The following CACNA1A variants were observed in gnomAD, a reference collection of about 807,000 sequenced individuals.
CACNA1A encodes the protein voltage-dependent P/Q-type calcium channel subunit alpha-1A.
Under a neutral mutation model 262.4 loss-of-function variants are expected in CACNA1A, and 57 were observed. The observed-to-expected ratio is 0.22, with a 90% confidence interval of 0.18 to 0.27. The LOEUF is 0.27. CACNA1A is among the 10% of genes least tolerant of loss of function. CACNA1A has a pLI of 1.00. For synonymous variants in CACNA1A, 1,431 were observed against 1,419.3 expected (o/e 1.01, Z -0.18); for missense variants, 2,526 against 3,562.8 (o/e 0.71, Z 7.41).
chr19:13,330,214 A>T, intron 10 of CACNA1A, 30 bp downstream of exon 10: 1 of 1,478,758 alleles, frequency 6.8e-7, no homozygotes, highest in Non-Finnish European at 9.3e-7. Flanking sequence ...GGTGATGAAC[A>T]ACTGATAGGT....
At chr19:13,409,747 T>C (rs2060077248) in intron 3 of CACNA1A, among the ~76,000 whole-genome samples, 1 of 152,108 alleles carries the variant, frequency 6.6e-6, no homozygotes, top group African/African-American at 2.4e-5. Context: ...TTTTGCCATG[T>C]TGCTTAGGCT....
In CACNA1A at chr19:13,209,007, A is replaced by C; in HGVS notation, c.6529T>G (p.Leu2177Val). The change falls in exon 46 of 47, where the codon TTG (leucine) becomes GTG (valine). Residue 2177 changes from leucine to valine, a missense_variant and splice_region_variant. By Grantham distance (32) the Leu-to-Val change is conservative. Coordinates refer to ENST00000360228, the MANE Select transcript of CACNA1A (RefSeq NM_001127222.2). ...GTGGTCATGCTCAGGTCTGTCCCCA[A>C]GCCTGGGCCGGGTGAGGGTCAGACA... Reference protein sequence around the residue: ...LGRYTDVDTGLGTDLSMTTQS... With the variant: ...LGRYTDVDTGVGTDLSMTTQS... 2.6e-6 allele frequency: 4 copies of C among 1,537,020 alleles called. No individual in the cohort carries two copies. Among genetic ancestry groups the C allele is most frequent in the Non-Finnish European group, 3.5e-6 (4 of 1,146,874 alleles).
rs1434850038 is a variant in CACNA1A, at chr19:13,207,628, CG to C, written c.7205del (p.Pro2402ArgfsTer206). ...GGTAGTAGCCATGGTGCCGGGGACC[CG>C]GGGGCCCCTCGGACACGTGCGGGCC... ...ASGPHVSEGPPGPRHHGYYRG... is the reference protein window; with the variant it reads ...ASGPHVSEGPXGPRHHGYYRG... On this transcript the variant is annotated frameshift_variant, in exon 47 of 47. Transcript: ENST00000360228. LOFTEE classifies it high-confidence loss of function. The surrounding 1 kb of genome is among the most constrained non-coding windows in gnomAD (Gnocchi z 5.7). The C allele has an allele frequency of 3.2e-5, 48 of 1,477,574 alleles. No individual in the cohort carries two copies. Among genetic ancestry groups the C allele is most frequent in the Admixed American group, 1.8e-4 (8 of 44,256 alleles). The allele number at this position is 1,477,574 out of a possible 1,614,324, so 91.5% of individuals were successfully genotyped here.
intron 10 of CACNA1A, among the ~76,000 whole-genome samples, chr19:13,322,217 A>AG (rs1183271717): frequency 1.3e-5 from 2 of 151,816 alleles, no homozygotes; most frequent in African/African-American, 4.8e-5. Flanking sequence ...AAAAAAAAAA[A>AG]AAAGAAATCG....
At position 13,247,713 on chromosome 19, in the gene CACNA1A, A is replaced by AATAAAT. The variant is rs1555741538; in HGVS notation, c.4867-2449_4867-2448insATTTAT. Among the ~76,000 whole-genome samples, 9 of 146,710 alleles carry AATAAAT rather than the reference A, an allele frequency of 6.1e-5. No individual in the cohort carries two copies. In the South Asian group the frequency reaches 8.6e-4, roughly 14 times the overall value. On this transcript the variant is annotated intron_variant, in intron 30 of 46. Coordinates refer to ENST00000360228, the MANE Select transcript of CACNA1A (RefSeq NM_001127222.2). ...AGACTCCGTCAAAAATAAATAAATA[A>AATAAAT]AAATAAATAAATAAATAAATAAATA... is the stretch of plus-strand genomic sequence containing the variant.
intron 28 of CACNA1A, among the ~76,000 whole-genome samples, chr19:13,255,935 C>T (rs1470243388): frequency 6.9e-6 from 1 of 144,030 alleles, no homozygotes; most frequent in African/African-American, 2.6e-5. Context: ...TCCTTCCTTC[C>T]CTCCCTCCTT....
Position 13,275,850 on chromosome 19 carries a change from G to A in CACNA1A, c.3989C>T (p.Thr1330Ile), listed in dbSNP as rs976060126. 5 of 1,608,132 alleles carry A rather than the reference G, an allele frequency of 3.1e-6. No homozygotes were observed. The highest frequency in any genetic ancestry group is 1.3e-5 in the African/African-American group (1 of 74,802). Reference sequence around the variant, plus strand: ...GAGGAACCCTTGCGAGGAGACTTACGTGAAGGCAAAGGCTACCAGGGCCCC... The same window carrying A: ...GAGGAACCCTTGCGAGGAGACTTACATGAAGGCAAAGGCTACCAGGGCCCC... ...VSGALVAFAF[T>I]GNSKGKDINT... is the part of the protein sequence containing the mutation. Residue 1330 changes from threonine to isoleucine, a missense_variant and splice_region_variant, in exon 24 of 47, where the codon ACT becomes ATT. Around this residue, in one of 17 missense-constraint regions of CACNA1A, gnomAD observed 137 missense variants for 377.7 expected, o/e 0.36. Transcript: ENST00000360228.
chr19:13,464,643 G>C (rs545835187), intron 1 of CACNA1A, among the ~76,000 whole-genome samples: 55 of 150,266 alleles, frequency 3.7e-4, no homozygotes, highest in African/African-American at 1.3e-3. Context: ...CCGCCTCCCA[G>C]GTTCACGCCA....
chr19:13,497,443 G>A (rs112608185), intron 1 of CACNA1A, among the ~76,000 whole-genome samples: 13,965 of 116,736 alleles, frequency 0.12, 1,948 homozygotes, highest in African/African-American at 0.35. Flanking sequence ...AGCCGAGATC[G>A]CGCCATTGCA....
At chr19:13,475,181 G>A (rs1418933662) in intron 1 of CACNA1A, among the ~76,000 whole-genome samples, 1 of 152,160 alleles carries the variant, frequency 6.6e-6, no homozygotes, top group Admixed American at 6.5e-5. Context: ...GAGACACTGT[G>A]ATTAGATATC....
chr19:13,241,675 T>A lies in CACNA1A; in HGVS notation c.4950+3507A>T. 1 of 641,730 alleles carries A rather than the reference T, an allele frequency of 1.6e-6. No homozygotes were observed. The highest frequency in any genetic ancestry group is 4.0e-4 in the Middle Eastern group (1 of 2,488). 39.8% of individuals were successfully genotyped at this position (641,730 alleles called of 1,614,324 possible). On this transcript the variant is annotated intron_variant, in intron 31 of 46. Transcript: ENST00000360228. This position sits in a 1 kb window ranked among gnomAD's most constrained non-coding sequence, Gnocchi z 4.0. ...CGGGGAGTGGGGGTGGTGGTGGCGG[T>A]GGGTTGGGAGATAAGTCATTGGTGT... is the stretch of plus-strand genomic sequence containing the variant.
chr19:13,486,143 C>G (rs1266133244), intron 1 of CACNA1A, among the ~76,000 whole-genome samples: 1 of 152,194 alleles, frequency 6.6e-6, no homozygotes, highest in Non-Finnish European at 1.5e-5. Flanking sequence ...AGGATGCGTA[C>G]TTAGGTGGTA....
At position 13,235,744 on chromosome 19, in the gene CACNA1A, G is replaced by A. The variant is rs1019678447; in HGVS notation, c.4951-14C>T. 3.1e-6 allele frequency: 5 copies of A among 1,588,482 alleles called. No homozygotes were observed. The African/African-American group carries it at 4.0e-5, about 13-fold the overall frequency. The stretch of plus-strand genomic sequence containing the variant: ...GATGAAGTTATTCTGGGGAGATGGA[G>A]GAAGAGGGGTGACCATCCACCCACC... On this transcript the variant is annotated splice_polypyrimidine_tract_variant and intron_variant, in intron 31 of 46. Transcript: ENST00000360228.
At chr19:13,232,611 G>T (rs567603133) in intron 34 of CACNA1A, among the ~76,000 whole-genome samples, 2 of 151,810 alleles carry the variant, frequency 1.3e-5, no homozygotes, top group East Asian at 3.9e-4. Flanking sequence ...CTCACCTGTA[G>T]TCTCAGCTAC....
At chr19:13,452,752 G>T in intron 3 of CACNA1A, 124 bp downstream of exon 3, 2 of 793,948 alleles carry the variant, frequency 2.5e-6, no homozygotes, top group Non-Finnish European at 4.1e-6. Context: ...GGAGGCAGGC[G>T]CATAACAAGG....
At chr19:13,487,955 A>T (rs1980234636) in intron 1 of CACNA1A, among the ~76,000 whole-genome samples, 1 of 151,826 alleles carries the variant, frequency 6.6e-6, no homozygotes, top group African/African-American at 2.4e-5. Context: ...ACAGGCATGC[A>T]CCACTACACC....
At chr19:13,482,782 T>C (rs1240130947) in intron 1 of CACNA1A, among the ~76,000 whole-genome samples, 1 of 152,066 alleles carries the variant, frequency 6.6e-6, no homozygotes, top group Non-Finnish European at 1.5e-5. Context: ...GGGACATTTA[T>C]TCTGCCAGCT....
chr19:13,466,093 G>C (rs1333401785), intron 1 of CACNA1A, among the ~76,000 whole-genome samples: 2 of 152,096 alleles, frequency 1.3e-5, no homozygotes, highest in Non-Finnish European at 2.9e-5. Context: ...GACAGAGGTG[G>C]TAGTTACATA....
intron 17 of CACNA1A, among the ~76,000 whole-genome samples, chr19:13,302,002 T>G (rs565242354): frequency 1.3e-5 from 2 of 151,742 alleles, no homozygotes; most frequent in Non-Finnish European, 2.9e-5. Flanking sequence ...ATAGAACCAG[T>G]GCTGGGCCCT....
Sources: allele counts gnomAD v4.1 joint callset (sites outside exome capture counted in the v4.1 genomes callset), GRCh38; gene constraint gnomAD v4.1.1; regional missense constraint gnomAD v4.1.1; non-coding constraint Gnocchi (gnomAD v3.1); transcripts MANE v1.5; gene names NCBI Gene and HGNC (gene_info 2026-07-23, HGNC 2026-07-21).